Variants in MTMR10 observed in about 807,000 individuals in gnomAD.
MTMR10 encodes myotubularin related protein 10.
Under a neutral mutation model 88.1 loss-of-function variants are expected in MTMR10, and 56 were observed. That is an observed-to-expected ratio of 0.64 (90% CI 0.51 to 0.79). The LOEUF is 0.79. Among genes scored for constraint, MTMR10 ranks in the 30% least tolerant of loss-of-function variants. The pLI, the probability that MTMR10 is intolerant of heterozygous loss-of-function variation, is 0.00. For missense variants in MTMR10, 883 were observed against 924.7 expected, an observed-to-expected ratio of 0.95 and a Z score of 0.58; for synonymous variants, 380 against 340.9, an observed-to-expected ratio of 1.11 and a Z score of -1.26.
intron 2 of MTMR10, among the ~76,000 whole-genome samples, chr15:30,987,855 C>T (rs2031046149): frequency 6.6e-6 from 1 of 151,882 alleles, no homozygotes; most frequent in Non-Finnish European, 1.5e-5. Context: ...TAATGCTCTC[C>T]CTTCCCTCAT....
At chr15:30,947,091 A>C (rs547476305) in intron 14 of MTMR10, 39 bp downstream of exon 14, 1 of 1,549,038 alleles carries the variant, frequency 6.5e-7, no homozygotes, top group South Asian at 1.2e-5. Context: ...AAAGTTGTAA[A>C]AACAGGGAAA....
intron 14 of MTMR10, chr15:30,946,702 A>G (rs540693786): frequency 1.4e-6 from 1 of 702,192 alleles, no homozygotes; most frequent in African/African-American, 1.7e-5. Flanking sequence ...AATCCTCTAC[A>G]TCAATGAATT....
intron 3 of MTMR10, among the ~76,000 whole-genome samples, chr15:30,976,527 G>C (rs563249773): frequency 6.6e-6 from 1 of 152,186 alleles, no homozygotes; most frequent in South Asian, 2.1e-4. Context: ...TTTATAAGCA[G>C]GTTAAAAGAT....
At chr15:30,968,064 A>C (rs1298484322) in intron 5 of MTMR10, 54 bp from the exon 6 acceptor site, 1 of 1,319,442 alleles carries the variant, frequency 7.6e-7, no homozygotes, top group Non-Finnish European at 1.1e-6. Context: ...GTTAAATGAA[A>C]TGTACAATAA....
At position 30,958,941 on chromosome 15, in the gene MTMR10, C is replaced by A; in HGVS notation, c.857G>T (p.Trp286Leu). Residue 286 changes from tryptophan (W) to leucine (L), a missense_variant, in exon 9 of 16, where the codon TGG becomes TTG. Trp to Leu is a moderately conservative substitution (Grantham distance 61). Coordinates refer to ENST00000435680, the MANE Select transcript of MTMR10 (RefSeq NM_017762.3). Reference sequence around the variant, plus strand: ...AAGAGCACTGCCGTTAGAGTGGCTCCAGCACCAGAGCTAGGGGAGAGGTAG... The same window carrying A: ...AAGAGCACTGCCGTTAGAGTGGCTCAAGCACCAGAGCTAGGGGAGAGGTAG... ...FVGRRMPLWC[W>L]SHSNGSALVR... is the part of the protein sequence containing the mutation. 1 of 1,613,980 alleles carries A rather than the reference C, an allele frequency of 6.2e-7. No individual in the cohort carries two copies. The highest frequency in any genetic ancestry group is 8.5e-7 in the Non-Finnish European group (1 of 1,179,892).
At position 30,958,964 on chromosome 15, in the gene MTMR10, T is replaced by G; in HGVS notation, c.847-13A>C. On this transcript the variant is annotated splice_polypyrimidine_tract_variant and intron_variant, in intron 8 of 15. Coordinates refer to ENST00000435680, the MANE Select transcript of MTMR10 (RefSeq NM_017762.3). ...TCCAGCACCAGAGCTAGGGGAGAGG[T>G]AGAATCCTTACTTCACTGTGTAGAA... is the stretch of plus-strand genomic sequence containing the variant. 3 of 1,613,732 alleles carry G rather than the reference T, an allele frequency of 1.9e-6. No homozygotes were observed. The highest frequency in any genetic ancestry group is 1.7e-6 in the Non-Finnish European group (2 of 1,179,816).
chr15:30,972,005 T>C (rs2063543865), intron 5 of MTMR10, among the ~76,000 whole-genome samples: 1 of 152,208 alleles, frequency 6.6e-6, no homozygotes, highest in Non-Finnish European at 1.5e-5. Context: ...ACCAATTTAG[T>C]ATTCTTGAAT....
At chr15:30,981,161 T>A (rs1237697964) in intron 2 of MTMR10, among the ~76,000 whole-genome samples, 1 of 152,252 alleles carries the variant, frequency 6.6e-6, no homozygotes, top group South Asian at 2.1e-4. Context: ...CACAAAGCTA[T>A]CTTCCCAAAA....
the MTMR10 span, among the ~76,000 whole-genome samples, chr15:30,923,218 AAG>A: frequency 6.6e-6 from 1 of 152,208 alleles, no homozygotes; most frequent in Non-Finnish European, 1.5e-5. Flanking sequence ...GTATCAGGGA[AAG>A]AGCCAGTAAA....
At chr15:30,960,032 C>T (rs571104253) in intron 7 of MTMR10, among the ~76,000 whole-genome samples, 8 of 152,028 alleles carry the variant, frequency 5.3e-5, no homozygotes, top group African/African-American at 1.9e-4. Context: ...TTTTCTTGTA[C>T]GAACTGTGTT....
chr15:30,942,040 C>A lies in MTMR10; in HGVS notation c.1764G>T (p.Pro588=). 6.2e-7 allele frequency: 1 copy of A among 1,613,882 alleles called. No homozygotes were observed. The change falls in exon 16 of 16, where the codon CCG becomes CCT. Residue 588 remains proline (P), a synonymous_variant. Coordinates refer to ENST00000435680, the MANE Select transcript of MTMR10 (RefSeq NM_017762.3). ...KSYSSTLRGM[P]SALKNGIISD... ...TGATGATTCCATTCTTTAAGGCAGA[C>A]GGCATTCCTCTTAGTGTGGAGCTGT...
intron 11 of MTMR10, 22 bp downstream of exon 11, chr15:30,953,540 A>G (rs757879299): frequency 2.0e-6 from 3 of 1,501,904 alleles, no homozygotes; most frequent in Admixed American, 4.3e-5. Flanking sequence ...GTTAAAGGAA[A>G]AGAAAGTAAA....
At chr15:30,968,550 C>T (rs1204940107) in intron 5 of MTMR10, among the ~76,000 whole-genome samples, 10 of 151,070 alleles carry the variant, frequency 6.6e-5, no homozygotes. Flanking sequence ...CACACACACA[C>T]ACACACACAC....
chr15:30,987,659 C>T (rs1422522059), intron 2 of MTMR10, among the ~76,000 whole-genome samples: 1 of 151,612 alleles, frequency 6.6e-6, no homozygotes, highest in African/African-American at 2.4e-5. Context: ...GCATGCAATA[C>T]CATATCTCTA....
At chr15:30,949,732 G>A (rs2063217299) in intron 12 of MTMR10, 1 of 152,152 alleles carries the variant, frequency 6.6e-6, no homozygotes, top group African/African-American at 2.4e-5. Flanking sequence ...TCCATCAACA[G>A]GTAAATGGGT....
intron 14 of MTMR10, chr15:30,946,071 T>C (rs1270235917): frequency 6.6e-6 from 1 of 152,334 alleles, no homozygotes; most frequent in Non-Finnish European, 1.5e-5. Flanking sequence ...GAGAACTGGC[T>C]CCTGTGGACT....
rs372905897 is a variant in MTMR10 at position 30,954,718 on chromosome 15, C to G, written c.1066+45G>C. Reference sequence around the variant, plus strand: ...ACTTTTCCTGACATCTCATGCAACTCTGTATCCTGTGTTCATTATATATAT... The same window carrying G: ...ACTTTTCCTGACATCTCATGCAACTGTGTATCCTGTGTTCATTATATATAT... On this transcript the variant is annotated intron_variant, in intron 10 of 15. Coordinates refer to ENST00000435680, the MANE Select transcript of MTMR10 (RefSeq NM_017762.3). The G allele has an allele frequency of 7.9e-6, 12 of 1,520,774 alleles. No individual in the cohort carries two copies. In the African/African-American group the frequency reaches 1.5e-4, roughly 20 times the overall value. The allele number at this position is 1,520,774 out of a possible 1,614,324, so 94.2% of individuals were successfully genotyped here.
downstream of MTMR10, among the ~76,000 whole-genome samples, chr15:30,934,849 C>T (rs1167397303): frequency 6.6e-6 from 1 of 152,230 alleles, no homozygotes; most frequent in Non-Finnish European, 1.5e-5. Flanking sequence ...ATCTTCCCTT[C>T]CAGCCTTTGT....
At chr15:30,948,520 G>T in intron 12 of MTMR10, 49 bp from the exon 13 acceptor site, 1 of 1,527,870 alleles carries the variant, frequency 6.5e-7, no homozygotes, top group Non-Finnish European at 8.9e-7. Context: ...AAAATGCTGA[G>T]AGAGAAAGGG....
Sources: allele counts gnomAD v4.1 joint callset (sites outside exome capture counted in the v4.1 genomes callset), GRCh38; gene constraint gnomAD v4.1.1; transcripts MANE v1.5; gene names NCBI Gene and HGNC (gene_info 2026-07-23, HGNC 2026-07-21).